The following NEDD4L variants were observed in gnomAD, a reference collection of about 807,000 sequenced individuals.
The protein encoded by NEDD4L is E3 ubiquitin-protein ligase NEDD4-like.
In NEDD4L, 54 loss-of-function variants were observed where a neutral mutation model predicts 148.9. The ratio of observed to expected loss-of-function variants is 0.36; its 90% confidence interval spans 0.29 to 0.45. The LOEUF is 0.45. NEDD4L is among the 20% of genes least tolerant of loss of function. The pLI is 1.00. For missense variants in NEDD4L, 856 were observed against 1,233.8 expected, an observed-to-expected ratio of 0.69 and a Z score of 4.59; for synonymous variants, 433 against 440.7, an observed-to-expected ratio of 0.98 and a Z score of 0.22.
At chr18:58,074,929 C>T (rs1477556954) in intron 1 of NEDD4L, among the ~76,000 whole-genome samples, 2 of 152,032 alleles carry the variant, frequency 1.3e-5, no homozygotes, top group Non-Finnish European at 2.9e-5. Flanking sequence ...ACAAAAGAGG[C>T]ATTGATAATT....
At chr18:58,182,068 G>A (rs977774401) in intron 2 of NEDD4L, among the ~76,000 whole-genome samples, 2 of 152,124 alleles carry the variant, frequency 1.3e-5, no homozygotes, top group Non-Finnish European at 2.9e-5. Flanking sequence ...GCAAGGTTGG[G>A]TGATTTTCTC....
chr18:58,298,927 G>A lies in NEDD4L; in HGVS notation c.298-17055G>A, dbSNP rs1818290530. ...TGATACTGATTCATGACATGACTGA[G>A]GATTACTTAGCCATCACATTGAATT... On this transcript the variant is annotated intron_variant, in intron 5 of 30. Transcript: ENST00000400345. 1.3e-5 allele frequency among the ~76,000 whole-genome samples: 2 copies of A among 152,188 alleles called. 1 individual carries two copies. The highest frequency in any genetic ancestry group is 4.1e-4 in the South Asian group (2 of 4,830).
intron 24 of NEDD4L, among the ~76,000 whole-genome samples, chr18:58,374,257 C>T (rs189644733): frequency 9.9e-5 from 15 of 152,178 alleles, no homozygotes; most frequent in African/African-American, 3.6e-4. Context: ...CTTGTTATTC[C>T]CATGTCCTGT....
At chr18:58,175,086 CAT>C (rs1207219178) in intron 2 of NEDD4L, among the ~76,000 whole-genome samples, 2 of 152,028 alleles carry the variant, frequency 1.3e-5, no homozygotes, top group Non-Finnish European at 2.9e-5. Context: ...TGAATCCACA[CAT>C]GAGTTTATTT....
At chr18:58,326,833 A>G (rs369893156) in intron 9 of NEDD4L, among the ~76,000 whole-genome samples, 2 of 152,220 alleles carry the variant, frequency 1.3e-5, no homozygotes, top group African/African-American at 4.8e-5. Context: ...TCTGCCTCAC[A>G]GAGTTGTGAA....
intron 2 of NEDD4L, among the ~76,000 whole-genome samples, chr18:58,188,394 T>G (rs942696385): frequency 6.6e-6 from 1 of 152,350 alleles, no homozygotes; most frequent in East Asian, 1.9e-4. Flanking sequence ...AGTGACTTCC[T>G]TGGCCTGGAG....
At chr18:58,367,445 G>A (rs1369189512) in intron 21 of NEDD4L, among the ~76,000 whole-genome samples, 4 of 152,140 alleles carry the variant, frequency 2.6e-5, no homozygotes, top group Middle Eastern at 3.2e-3. Context: ...ATTATGTGGC[G>A]TTTCTCATCT....
Position 58,280,341 on chromosome 18 carries a change from G to T in NEDD4L, c.297+28287G>T, listed in dbSNP as rs150662643. Among the ~76,000 whole-genome samples, 603 of 152,246 alleles carry T rather than the reference G, an allele frequency of 4.0e-3. 5 individuals are homozygous for T. The highest frequency in any genetic ancestry group is 0.017 in the South Asian group (81 of 4,822). ...GCCCATGCCACTATCTGTGTGTTCCGTGCCACTGTCCATCTGTGTAGGGAA... is the reference window on the plus strand; with the variant it reads ...GCCCATGCCACTATCTGTGTGTTCCTTGCCACTGTCCATCTGTGTAGGGAA... On this transcript the variant is annotated intron_variant, in intron 5 of 30. Coordinates refer to ENST00000400345, the MANE Select transcript of NEDD4L (RefSeq NM_001144967.3).
chr18:58,315,471 A>T (rs2058158061), intron 5 of NEDD4L, among the ~76,000 whole-genome samples: 3 of 142,388 alleles, frequency 2.1e-5, no homozygotes, highest in African/African-American at 9.1e-5. Flanking sequence ...TACTAGATTA[A>T]AAAAAAAACA....
chr18:58,115,704 T>A (rs2085775319), intron 1 of NEDD4L, among the ~76,000 whole-genome samples: 1 of 152,166 alleles, frequency 6.6e-6, no homozygotes, highest in South Asian at 2.1e-4. Context: ...CATCCTCTCT[T>A]GTGTTGCGTG....
chr18:58,243,833 G>A (rs1348577677), intron 2 of NEDD4L, among the ~76,000 whole-genome samples: 2 of 150,488 alleles, frequency 1.3e-5, no homozygotes, highest in Non-Finnish European at 2.9e-5. Flanking sequence ...AAACCATAAT[G>A]TAAAAAAAAA....
intron 2 of NEDD4L, among the ~76,000 whole-genome samples, chr18:58,179,408 C>T (rs1428684116): frequency 6.6e-6 from 1 of 152,136 alleles, no homozygotes; most frequent in Non-Finnish European, 1.5e-5. Flanking sequence ...AAGCTAGGGA[C>T]CAAAGAGTCG....
intron 5 of NEDD4L, among the ~76,000 whole-genome samples, chr18:58,312,141 A>G (rs2057772448): frequency 6.6e-6 from 1 of 152,228 alleles, no homozygotes; most frequent in South Asian, 2.1e-4. Context: ...GACACGTTTC[A>G]GGGGCTCCAT....
chr18:58,083,800 C>T (rs2083597024), intron 1 of NEDD4L, among the ~76,000 whole-genome samples: 1 of 152,220 alleles, frequency 6.6e-6, no homozygotes, highest in Admixed American at 6.5e-5. Flanking sequence ...TGCTATGCTG[C>T]CATAAAATGG....
intron 1 of NEDD4L, among the ~76,000 whole-genome samples, chr18:58,083,080 C>T (rs1007412279): frequency 6.6e-6 from 1 of 152,078 alleles, no homozygotes; most frequent in Admixed American, 6.5e-5. Flanking sequence ...AGAGAGGGTA[C>T]CTGTTTTGTT....
intron 2 of NEDD4L, among the ~76,000 whole-genome samples, chr18:58,218,502 C>G (rs2043383429): frequency 6.6e-6 from 1 of 152,202 alleles, no homozygotes; most frequent in South Asian, 2.1e-4. Context: ...AGACCCACCC[C>G]TGGTCTTCCC....
At chr18:58,267,220 A>G (rs1269311839) in intron 5 of NEDD4L, among the ~76,000 whole-genome samples, 1 of 152,032 alleles carries the variant, frequency 6.6e-6, no homozygotes, top group East Asian at 1.9e-4. Context: ...AAATGTCTCA[A>G]TTCTAATGGT....
At chr18:58,234,243 A>G (rs2045715775) in intron 2 of NEDD4L, among the ~76,000 whole-genome samples, 1 of 99,840 alleles carries the variant, frequency 1.0e-5, no homozygotes, top group Non-Finnish European at 1.9e-5. Flanking sequence ...TTTTAAAAAT[A>G]TTTTTCTTTT....
intron 2 of NEDD4L, among the ~76,000 whole-genome samples, chr18:58,213,428 A>G (rs1019320018): frequency 3.3e-5 from 5 of 152,250 alleles, no homozygotes; most frequent in Non-Finnish European, 7.3e-5. Flanking sequence ...AGGAATTTCT[A>G]TGAGAACTTG....
Sources: gnomAD v4.1 joint callset for allele counts (sites outside exome capture counted in the v4.1 genomes callset) on GRCh38, gnomAD v4.1.1 for gene constraint, MANE v1.5 for transcripts, NCBI Gene and HGNC (gene_info 2026-07-23, HGNC 2026-07-21) for gene names.